Variants in UBR3 observed in about 807,000 individuals in gnomAD.
UBR3 encodes E3 ubiquitin-protein ligase UBR3.
In UBR3, 85 loss-of-function variants were observed where a neutral mutation model predicts 243.2. That is an observed-to-expected ratio of 0.35 (90% CI 0.29 to 0.42). The LOEUF is 0.42. UBR3 is among the 10% of genes least tolerant of loss of function. The pLI, the probability that UBR3 is intolerant of heterozygous loss-of-function variation, is 1.00. For missense variants in UBR3, 1,686 were observed against 2,300.8 expected (o/e 0.73, Z 5.47); for synonymous variants, 748 against 799.8 (o/e 0.94, Z 1.09).
chr2:169,980,141 C>T (rs140854731), intron 24 of UBR3, among the ~76,000 whole-genome samples: 10 of 152,230 alleles, frequency 6.6e-5, no homozygotes, highest in South Asian at 2.1e-4. Flanking sequence ...AACCACTATA[C>T]GTATATACTG....
At chr2:170,035,848 G>T (rs1473645474) in intron 31 of UBR3, among the ~76,000 whole-genome samples, 3 of 127,130 alleles carry the variant, frequency 2.4e-5, no homozygotes, top group Non-Finnish European at 4.8e-5. Flanking sequence ...TCAGAGTTTT[G>T]TCATTTTCCT....
intron 31 of UBR3, among the ~76,000 whole-genome samples, chr2:170,036,803 T>C (rs1202013892): frequency 6.6e-6 from 1 of 152,120 alleles, no homozygotes; most frequent in African/African-American, 2.4e-5. Flanking sequence ...CGTCTACTTT[T>C]GTAATTACTT....
In UBR3 at chr2:170,034,526, T is replaced by G. The variant is rs563169885; in HGVS notation, c.4556+5078T>G. On this transcript the variant is annotated intron_variant, in intron 31 of 38. Transcript: ENST00000272793. ...GGCTTGATAGCTCATTTCTATATAATAGAAATAACAATCCATTGTCTGTAC... is the reference window on the plus strand; with the variant it reads ...GGCTTGATAGCTCATTTCTATATAAGAGAAATAACAATCCATTGTCTGTAC... 2.6e-5 allele frequency among the ~76,000 whole-genome samples: 4 copies of G among 152,050 alleles called. No individual in the cohort carries two copies. In the East Asian group the frequency reaches 7.7e-4, roughly 29 times the overall value.
chr2:169,887,959 A>G (rs1359701293), intron 5 of UBR3, among the ~76,000 whole-genome samples: 1 of 150,320 alleles, frequency 6.7e-6, no homozygotes, highest in African/African-American at 2.4e-5. Flanking sequence ...TATTTTTAGT[A>G]GAGATGGGGT....
intron 24 of UBR3, among the ~76,000 whole-genome samples, chr2:169,971,773 A>AG (rs2088159228): frequency 6.6e-6 from 1 of 152,174 alleles, no homozygotes. Context: ...CAGTGTGTAG[A>AG]GGGAAATTTA....
intron 31 of UBR3, among the ~76,000 whole-genome samples, chr2:170,038,839 A>T (rs2090894469): frequency 6.6e-6 from 1 of 151,982 alleles, no homozygotes; most frequent in African/African-American, 2.4e-5. Flanking sequence ...AGTGGCAGAA[A>T]CAGCAATTAC....
At chr2:169,900,076 T>C (rs966267169) in intron 8 of UBR3, among the ~76,000 whole-genome samples, 1 of 152,236 alleles carries the variant, frequency 6.6e-6, no homozygotes, top group Non-Finnish European at 1.5e-5. Flanking sequence ...CGCCACACTG[T>C]CTTCCACAAT....
intron 32 of UBR3, among the ~76,000 whole-genome samples, chr2:170,051,641 G>A (rs568206645): frequency 2.0e-5 from 3 of 152,214 alleles, no homozygotes; most frequent in East Asian, 1.9e-4. Flanking sequence ...CACCGCGCCC[G>A]GCCACATCAC....
chr2:169,882,399 T>C (rs917914857), intron 5 of UBR3, among the ~76,000 whole-genome samples: 6 of 144,518 alleles, frequency 4.2e-5, no homozygotes, highest in African/African-American at 1.5e-4. Context: ...AATATATATA[T>C]ATAAAATAAG....
intron 1 of UBR3, among the ~76,000 whole-genome samples, chr2:169,856,104 C>G (rs1031191147): frequency 1.3e-4 from 20 of 151,234 alleles, no homozygotes; most frequent in African/African-American, 4.6e-4. Context: ...AGGGGCTCCT[C>G]ACTTCTCAGA....
chr2:169,829,509 C>T (rs1382618938), intron 1 of UBR3, among the ~76,000 whole-genome samples: 2 of 151,068 alleles, frequency 1.3e-5, no homozygotes, highest in South Asian at 2.1e-4. Context: ...CTGAAACCTC[C>T]GCCCCCTGGG....
At chr2:169,872,541 A>T (rs940450032) in intron 2 of UBR3, among the ~76,000 whole-genome samples, 166 bp downstream of exon 2, 1 of 152,162 alleles carries the variant, frequency 6.6e-6, no homozygotes, top group Non-Finnish European at 1.5e-5. Context: ...AAAATTAATT[A>T]TATAACCTTA....
chr2:169,910,519 C>T (rs964027258), intron 10 of UBR3, among the ~76,000 whole-genome samples: 2 of 152,016 alleles, frequency 1.3e-5, no homozygotes, highest in African/African-American at 4.8e-5. Context: ...GCTTTCAAGG[C>T]TAGAATTACA....
In UBR3 at chr2:170,024,269, G is replaced by A. The variant is rs575484758; in HGVS notation, c.4454-5077G>A. On this transcript the variant is annotated intron_variant, in intron 30 of 38. Transcript: ENST00000272793. ...CTGGGGAGGCTGAGGCAGGAGAATT[G>A]CTTGAATCCGGGAGCTGGAGTTTGC... 5.6e-5 allele frequency among the ~76,000 whole-genome samples: 8 copies of A among 143,584 alleles called. 1 individual carries two copies. The South Asian group carries it at 1.8e-3, about 31-fold the overall frequency. The allele number at this position is 143,584 out of a possible 152,430, so 94.2% of individuals were successfully genotyped here.
intron 26 of UBR3, among the ~76,000 whole-genome samples, chr2:169,996,640 G>T (rs2089487753): frequency 1.3e-5 from 2 of 149,100 alleles, no homozygotes; most frequent in Admixed American, 6.7e-5. Context: ...ACACGTATGT[G>T]TGTACACATA....
At chr2:170,071,874 G>A (rs1199143897) in intron 35 of UBR3, among the ~76,000 whole-genome samples, 1 of 152,144 alleles carries the variant, frequency 6.6e-6, no homozygotes, top group Non-Finnish European at 1.5e-5. Context: ...CAGTTTTATG[G>A]AGAAGGCAAA....
chr2:169,961,980 C>T (rs1035926989), intron 24 of UBR3, among the ~76,000 whole-genome samples: 6 of 150,372 alleles, frequency 4.0e-5, no homozygotes, highest in Admixed American at 2.0e-4. Context: ...CATAGAAGTG[C>T]ATGACCTATA....
chr2:169,942,369 C>A, intron 19 of UBR3, 124 bp from the exon 20 acceptor site: 1 of 943,480 alleles, frequency 1.1e-6, no homozygotes, highest in Non-Finnish European at 1.5e-6. Context: ...GCATTTTAAG[C>A]AATTTGATTA....
In UBR3 at chr2:169,827,486, C is replaced by T. The variant is rs1030390117; in HGVS notation, c.-22C>T. The T allele has an allele frequency of 8.2e-6, 10 of 1,225,632 alleles. No homozygotes were observed. In the East Asian group the frequency reaches 9.6e-5, roughly 12 times the overall value. 75.9% of individuals were successfully genotyped at this position (1,225,632 alleles called of 1,614,324 possible). On this transcript the variant is annotated 5_prime_UTR_variant, in exon 1 of 39. Coordinates refer to ENST00000272793, the MANE Select transcript of UBR3 (RefSeq NM_172070.4). The stretch of plus-strand genomic sequence containing the variant: ...CTGGAGGAGCCGCTGGCCCTGGACT[C>T]TCCAAATTCTGAGCTCTCATCATGG...
Sources: gnomAD v4.1 joint callset for allele counts (sites outside exome capture counted in the v4.1 genomes callset) on GRCh38, gnomAD v4.1.1 for gene constraint, MANE v1.5 for transcripts, NCBI Gene and HGNC (gene_info 2026-07-23, HGNC 2026-07-21) for gene names.